OR52K1: variants seen among roughly 807,000 people sequenced by gnomAD.
The protein encoded by OR52K1 is olfactory receptor 52K1.
A neutral mutation model predicts 8.7 loss-of-function variants in OR52K1; 10 were observed. The ratio of observed to expected loss-of-function variants is 1.15; its 90% CI spans 0.71 to 1.95. The LOEUF (loss-of-function observed/expected upper bound fraction) is 1.95. OR52K1 is among the 30% of genes most tolerant of loss of function. The probability of loss-of-function intolerance (pLI) is 0.00; values close to 1 mark genes in which losing one functional copy is unlikely to be tolerated. For synonymous variants in OR52K1, 203 were observed against 148.5 expected, an observed-to-expected ratio of 1.37 and a Z score of -2.67; for missense variants, 431 against 397.2, an observed-to-expected ratio of 1.08 and a Z score of -0.72.
rs756395300 is a variant in OR52K1 at position 4,489,614 on chromosome 11, G to T, written c.714G>T (p.Lys238Asn). The T allele has an allele frequency of 5.0e-6, 8 of 1,614,142 alleles. No individual in the cohort carries two copies. Among genetic ancestry groups the T allele is most frequent in the Non-Finnish European group, 6.8e-6 (8 of 1,179,996 alleles). The change falls in exon 2 of 2, where the codon AAG becomes AAT. Residue 238 changes from lysine to asparagine, a missense_variant. Lys to Asn is a moderately conservative substitution (Grantham distance 94). Transcript: ENST00000641528. ...TTGCCTCTCAGGAGGCCCGCTACAA[G>T]GCATTTGGGACATGTGTGTCTCACA... ...LQLASQEARYKAFGTCVSHIG... is the reference protein window; with the variant it reads ...LQLASQEARYNAFGTCVSHIG...
chr11:4,491,869 G>A lies in OR52K1; in HGVS notation c.*2024G>A, dbSNP rs565743537. 4.6e-5 allele frequency: 7 copies of A among 152,030 alleles called. No individual in the cohort carries two copies. The highest frequency in any genetic ancestry group is 7.4e-5 in the Non-Finnish European group (5 of 67,988). 9.4% of individuals were successfully genotyped at this position (152,030 alleles called of 1,614,324 possible). A position where few individuals can be genotyped will look rare whatever the true frequency, so the allele number is the denominator to read the frequency against. ...TAAAGAACTTGTACAACAAACTCCCGTGACACAAGTTTATTTATATAACAC... is the reference window on the plus strand; with the variant it reads ...TAAAGAACTTGTACAACAAACTCCCATGACACAAGTTTATTTATATAACAC... On this transcript the variant is annotated 3_prime_UTR_variant, in exon 2 of 2. Transcript: ENST00000641528.
intron 1 of OR52K1, among the ~76,000 whole-genome samples, chr11:4,485,192 T>C (rs1846311463): frequency 1.3e-5 from 2 of 152,246 alleles, no homozygotes; most frequent in African/African-American, 4.8e-5. Context: ...GGGATGTTTC[T>C]ATCTTAATAG....
Position 4,492,235 on chromosome 11 carries a change from G to A in OR52K1, c.*2390G>A, listed in dbSNP as rs1176268925. 1.3e-5 allele frequency: 2 copies of A among 151,840 alleles called. No homozygotes were observed. Among genetic ancestry groups the A allele is most frequent in the African/African-American group, 4.8e-5 (2 of 41,284 alleles). 9.4% of individuals were successfully genotyped at this position (151,840 alleles called of 1,614,324 possible). A position where few individuals can be genotyped will look rare whatever the true frequency, so the allele number is the denominator to read the frequency against. On this transcript the variant is annotated 3_prime_UTR_variant, in exon 2 of 2. Coordinates refer to ENST00000641528, the MANE Select transcript of OR52K1 (RefSeq NM_001005171.3). ...CAAAGCCAAAGTCCACCCACAATGA[G>A]TAAGAAGTGTAAATGAGAAATTGTG...
At chr11:4,485,275 G>A (rs1362759417) in intron 1 of OR52K1, among the ~76,000 whole-genome samples, 1 of 152,130 alleles carries the variant, frequency 6.6e-6, no homozygotes, top group Non-Finnish European at 1.5e-5. Context: ...TTAATGTTGG[G>A]ATTCAGTTCT....
Position 4,488,747 on chromosome 11 carries a change from C to A in OR52K1, c.-154C>A. 1.6e-6 allele frequency: 1 copy of A among 619,378 alleles called. No homozygotes were observed. 38.4% of individuals were successfully genotyped at this position (619,378 alleles called of 1,614,324 possible). ...TACTTCTCCATGTCTATGAAGGCTG[C>A]TAGGTTATTTTGTTTAAAGTCTAGC... is the stretch of plus-strand genomic sequence containing the variant. On this transcript the variant is annotated 5_prime_UTR_variant, in exon 2 of 2. Coordinates refer to ENST00000641528, the MANE Select transcript of OR52K1 (RefSeq NM_001005171.3).
intron 1 of OR52K1, among the ~76,000 whole-genome samples, chr11:4,485,986 T>C (rs965297896): frequency 6.6e-6 from 1 of 152,244 alleles, no homozygotes; most frequent in Non-Finnish European, 1.5e-5. Context: ...TGTTCCATTT[T>C]CTTAGACTGT....
Position 4,489,114 on chromosome 11 carries a change from G to A in OR52K1, c.214G>A (p.Asp72Asn), listed in dbSNP as rs1249236418. 58 of 1,614,184 alleles carry A rather than the reference G, an allele frequency of 3.6e-5. No individual in the cohort carries two copies. The highest frequency in any genetic ancestry group is 4.6e-5 in the Non-Finnish European group (54 of 1,180,048). The change falls in exon 2 of 2, where the codon GAC (aspartate) becomes AAC (asparagine). Residue 72 changes from aspartate to asparagine, a missense_variant. Transcript: ENST00000641528. ...CTTTCTGGCCATGTTGGCAACCATT[G>A]ACTTGGTTCTTTCTTCTACAACGCT... is the stretch of plus-strand genomic sequence containing the variant. ...YLFLAMLATI[D>N]LVLSSTTLPK...
Position 4,489,933 on chromosome 11 carries a change from CAG to C in OR52K1, c.*91_*92del, listed in dbSNP as rs772162564. ...GGGAAAAATCTAAATAGGAAAATTG[CAG>C]AGTATCTTTGACAATTCTCTAGTAT... is the stretch of plus-strand genomic sequence containing the variant. On this transcript the variant is annotated 3_prime_UTR_variant, in exon 2 of 2. Transcript: ENST00000641528. 221 of 919,676 alleles carry C rather than the reference CAG, an allele frequency of 2.4e-4. No individual in the cohort carries two copies. The highest frequency in any genetic ancestry group is 3.4e-4 in the Non-Finnish European group (206 of 601,424). The allele number at this position is 919,676 out of a possible 1,614,324, so 57.0% of individuals were successfully genotyped here.
At position 4,489,046 on chromosome 11, in the gene OR52K1, T is replaced by C. The variant is rs146030293; in HGVS notation, c.146T>C (p.Phe49Ser). The change falls in exon 2 of 2, where the codon TTC (phenylalanine) becomes TCC (serine). Residue 49 changes from phenylalanine to serine, a missense_variant. Phe to Ser is a radical substitution (Grantham distance 155, BLOSUM62 -2). Transcript: ENST00000641528. ...CTGCTAGGCAACTGTACCCTTCTCT[T>C]CATTATCCAGGCTGATGCAGCCCTC... is the stretch of plus-strand genomic sequence containing the variant. ...LALLGNCTLL[F>S]IIQADAALHE... The C allele has an allele frequency of 3.1e-6, 5 of 1,614,074 alleles. No individual in the cohort carries two copies. In the African/African-American group the frequency reaches 5.3e-5, roughly 17 times the overall value.
chr11:4,492,826 G>T lies in OR52K1; in HGVS notation c.*2981G>T. The T allele has an allele frequency of 5.6e-6, 1 of 180,180 alleles. No individual in the cohort carries two copies. Among genetic ancestry groups the T allele is most frequent in the South Asian group, 1.4e-4 (1 of 7,016 alleles). 11.2% of individuals were successfully genotyped at this position (180,180 alleles called of 1,614,324 possible). The stretch of plus-strand genomic sequence containing the variant: ...CATAGAAATAAAGACAAAAGATAAA[G>T]AGAAGAAAAGACAGCTGGGCCTGGG... On this transcript the variant is annotated 3_prime_UTR_variant, in exon 2 of 2. Coordinates refer to ENST00000641528, the MANE Select transcript of OR52K1 (RefSeq NM_001005171.3).
intron 1 of OR52K1, among the ~76,000 whole-genome samples, chr11:4,484,513 C>T (rs958871278): frequency 1.1e-4 from 16 of 152,072 alleles, no homozygotes; most frequent in Admixed American, 1.0e-3. Context: ...ATGGGCAGCA[C>T]AAGAAGAGAA....
At position 4,488,882 on chromosome 11, in the gene OR52K1, A is replaced by G; in HGVS notation, c.-19A>G. On this transcript the variant is annotated 5_prime_UTR_variant, in exon 2 of 2. Coordinates refer to ENST00000641528, the MANE Select transcript of OR52K1 (RefSeq NM_001005171.3). Reference sequence around the variant, plus strand: ...GTGAAGAAGCCCTGTAAAAATTGACAAGGAGATTTCCAGGAGCCATGCTTC... The same window carrying G: ...GTGAAGAAGCCCTGTAAAAATTGACGAGGAGATTTCCAGGAGCCATGCTTC... 2.5e-6 allele frequency: 4 copies of G among 1,583,674 alleles called. No homozygotes were observed. Among genetic ancestry groups the G allele is most frequent in the Non-Finnish European group, 2.6e-6 (3 of 1,156,562 alleles).
In OR52K1 at chr11:4,489,410, C is replaced by T. The variant is rs1488346752; in HGVS notation, c.510C>T (p.Tyr170=). The change falls in exon 2 of 2, where the codon TAC becomes TAT. Residue 170 remains tyrosine, a synonymous_variant. Coordinates refer to ENST00000641528, the MANE Select transcript of OR52K1 (RefSeq NM_001005171.3). ...PLPFLLRRFH[Y]CRGPVIAHCY... is the part of the protein sequence containing the mutation. ...CCTTCCTGCTCAGACGCTTCCACTA[C>T]TGCCGAGGCCCAGTGATTGCCCATT... 1.2e-6 allele frequency: 2 copies of T among 1,614,134 alleles called. No individual in the cohort carries two copies. Among genetic ancestry groups the T allele is most frequent in the Non-Finnish European group, 1.7e-6 (2 of 1,180,050 alleles).
In OR52K1 at chr11:4,493,315, C is replaced by T. The variant is rs1218167587; in HGVS notation, c.*3470C>T. ...TAACTCCCCCAGGGAAAGGGAGACTCCCTTTCTGGGTCTGTTAGTAACGGG... is the reference window on the plus strand; with the variant it reads ...TAACTCCCCCAGGGAAAGGGAGACTTCCTTTCTGGGTCTGTTAGTAACGGG... On this transcript the variant is annotated 3_prime_UTR_variant, in exon 2 of 2. Transcript: ENST00000641528. 4 of 152,186 alleles carry T rather than the reference C, an allele frequency of 2.6e-5. No individual in the cohort carries two copies. Among genetic ancestry groups the T allele is most frequent in the Non-Finnish European group, 4.4e-5 (3 of 68,046 alleles). The allele number at this position is 152,186 out of a possible 1,614,324, so 9.4% of individuals were successfully genotyped here. A position where few individuals can be genotyped will look rare whatever the true frequency, so the allele number is the denominator to read the frequency against.
rs371271671 is a variant in OR52K1, at chr11:4,490,132, A to G, written c.*287A>G. The stretch of plus-strand genomic sequence containing the variant: ...TGGTATTGTAATCTGGGTGAAAGAC[A>G]GTAGGACCTTTATTGGCTGAGATTG... On this transcript the variant is annotated 3_prime_UTR_variant, in exon 2 of 2. Coordinates refer to ENST00000641528, the MANE Select transcript of OR52K1 (RefSeq NM_001005171.3). 3.5e-5 allele frequency: 12 copies of G among 339,672 alleles called. No individual in the cohort carries two copies. Among genetic ancestry groups the G allele is most frequent in the African/African-American group, 1.7e-4 (8 of 47,100 alleles). 21.0% of individuals were successfully genotyped at this position (339,672 alleles called of 1,614,324 possible).
At chr11:4,488,519 A>C (rs954154793) in intron 1 of OR52K1, 54 bp from the exon 2 acceptor site, 1 of 182,968 alleles carries the variant, frequency 5.5e-6, no homozygotes, top group Admixed American at 5.3e-5. Context: ...GAATGGTACC[A>C]ATGTATGTGC....
rs1041991799 is a variant in OR52K1, at chr11:4,489,429, G to T, written c.529G>T (p.Ala177Ser). Residue 177 changes from alanine to serine, a missense_variant, in exon 2 of 2, where the codon GCC (alanine) becomes TCC (serine). Physicochemically the swap from Ala to Ser is moderately conservative, Grantham distance 99. Coordinates refer to ENST00000641528, the MANE Select transcript of OR52K1 (RefSeq NM_001005171.3). The part of the protein sequence containing the change: ...RFHYCRGPVI[A>S]HCYCEHMAVV... ...CCACTACTGCCGAGGCCCAGTGATTGCCCATTGCTACTGTGAACACATGGC... is the reference window on the plus strand; with the variant it reads ...CCACTACTGCCGAGGCCCAGTGATTTCCCATTGCTACTGTGAACACATGGC... 1.9e-6 allele frequency: 3 copies of T among 1,614,092 alleles called. No homozygotes were observed. Among genetic ancestry groups the T allele is most frequent in the Non-Finnish European group, 2.5e-6 (3 of 1,180,050 alleles).
At chr11:4,487,092 G>C (rs1393071737) in intron 1 of OR52K1, among the ~76,000 whole-genome samples, 1 of 152,164 alleles carries the variant, frequency 6.6e-6, no homozygotes, top group Non-Finnish European at 1.5e-5. Context: ...TTTGGTTTGT[G>C]ATGGGAATAA....
In OR52K1 at chr11:4,488,583, C is replaced by T. The variant is rs1266428411; in HGVS notation, c.-318C>T. On this transcript the variant is annotated 5_prime_UTR_variant, in exon 2 of 2. Transcript: ENST00000641528. ...TTCACTTTTTTCAAGGTATTCATGA[C>T]ATCACCAAGAACACAGAAAACACTA... 5.8e-5 allele frequency: 15 copies of T among 257,758 alleles called. No individual in the cohort carries two copies. In the Admixed American group the frequency reaches 7.2e-4, roughly 12 times the overall value. 16.0% of individuals were successfully genotyped at this position (257,758 alleles called of 1,614,324 possible).
Sources: allele counts gnomAD v4.1 joint callset (sites outside exome capture counted in the v4.1 genomes callset), GRCh38; gene constraint gnomAD v4.1.1; transcripts MANE v1.5; gene names NCBI Gene and HGNC (gene_info 2026-07-23, HGNC 2026-07-21).